The following DUSP12 variants were observed in gnomAD, a reference collection of about 807,000 sequenced individuals.
The protein encoded by DUSP12 is dual specificity protein phosphatase 12.
DUSP12 carries 25 observed loss-of-function variants against 38.9 expected under a neutral mutation model. That is an observed-to-expected ratio of 0.64 (90% CI 0.47 to 0.90). The LOEUF is 0.90. DUSP12 is among the 40% of genes least tolerant of loss of function. DUSP12 has a pLI of 0.00. For missense variants in DUSP12, 403 were observed against 427.0 expected (o/e 0.94, Z 0.50); for synonymous variants, 153 against 153.9 (o/e 0.99, Z 0.05).
At chr1:161,751,205 C>T (rs1684013673) in intron 1 of DUSP12, 1 of 156,376 alleles carries the variant, frequency 6.4e-6, no homozygotes, top group African/African-American at 2.4e-5. Context: ...CTCCCAGGCT[C>T]AAGTGAACCT....
chr1:161,750,128 T>C lies in DUSP12; in HGVS notation c.327T>C (p.Arg109=). Residue 109 remains arginine, a synonymous_variant, in exon 1 of 6, where the codon CGT becomes CGC. Transcript: ENST00000367943. ...AFIGQARAEG[R]AVLVHCHAGV... is the part of the protein sequence containing the mutation. Reference sequence around the variant, plus strand: ...TCGGTCAGGCCCGCGCTGAGGGCCGTGCGGTGTTGGTGCACTGGTGAGTGG... The same window carrying C: ...TCGGTCAGGCCCGCGCTGAGGGCCGCGCGGTGTTGGTGCACTGGTGAGTGG... The C allele has an allele frequency of 6.2e-7, 1 of 1,613,418 alleles. No individual in the cohort carries two copies. The highest frequency in any genetic ancestry group is 8.5e-7 in the Non-Finnish European group (1 of 1,179,828).
At chr1:161,752,963 A>G (rs1014922821) in intron 4 of DUSP12, 112 bp from the exon 5 acceptor site, 17 of 1,128,126 alleles carry the variant, frequency 1.5e-5, no homozygotes, top group Non-Finnish European at 2.1e-5. Context: ...GCACTCTAGC[A>G]TGGGCGACAG....
chr1:161,752,983 C>CT (rs1684049767), intron 4 of DUSP12, 92 bp from the exon 5 acceptor site: 1 of 1,135,648 alleles, frequency 8.8e-7, no homozygotes, highest in Non-Finnish European at 1.2e-6. Context: ...GAGTGAGACT[C>CT]TGTCTCAAAA....
At position 161,752,470 on chromosome 1, in the gene DUSP12, C is replaced by T. The variant is rs1684041058; in HGVS notation, c.674+6C>T. 2 of 1,574,546 alleles carry T rather than the reference C, an allele frequency of 1.3e-6. No individual in the cohort carries two copies. Among genetic ancestry groups the T allele is most frequent in the Non-Finnish European group, 1.7e-6 (2 of 1,146,950 alleles). On this transcript the variant is annotated splice_donor_region_variant and intron_variant, in intron 4 of 5. Transcript: ENST00000367943. ...TACAAGTGTAGAAAGTGCAGGTAAA[C>T]TATTTTATATCCTTTGGATATTTTA...
In DUSP12 at chr1:161,749,787, T is replaced by C. The variant is rs1571097272; in HGVS notation, c.-15T>C. ...GATGGTAGGGCAGGAAGCCGCCTTGTCTCTGGGCGCGGCCATGTTGGAGGC... is the reference window on the plus strand; with the variant it reads ...GATGGTAGGGCAGGAAGCCGCCTTGCCTCTGGGCGCGGCCATGTTGGAGGC... On this transcript the variant is annotated 5_prime_UTR_variant, in exon 1 of 6. Transcript: ENST00000367943. 1 of 1,556,648 alleles carries C rather than the reference T, an allele frequency of 6.4e-7. No individual in the cohort carries two copies. Among genetic ancestry groups the C allele is most frequent in the Non-Finnish European group, 8.7e-7 (1 of 1,152,762 alleles).
chr1:161,756,672 TA>T, intron 5 of DUSP12, 113 bp from the exon 6 acceptor site: 3 of 1,214,866 alleles, frequency 2.5e-6, no homozygotes. Flanking sequence ...GATTAGATTA[TA>T]AACTCAACGT....
At chr1:161,751,612 GT>G (rs762979946) in intron 1 of DUSP12, 55 bp from the exon 2 acceptor site, 9,144 of 1,133,510 alleles carry the variant, frequency 8.1e-3, no homozygotes, top group South Asian at 0.019. Context: ...GGCTTTGTGT[GT>G]TTTTTTTTTT....
chr1:161,752,303 C>T lies in DUSP12; in HGVS notation c.578-65C>T, dbSNP rs889362114. 1.7e-5 allele frequency: 19 copies of T among 1,127,850 alleles called. No individual in the cohort carries two copies. In the Admixed American group the frequency reaches 3.1e-4, roughly 19 times the overall value. 69.9% of individuals were successfully genotyped at this position (1,127,850 alleles called of 1,614,324 possible). A position where few individuals can be genotyped will look rare whatever the true frequency, so the allele number is the denominator to read the frequency against. ...ACTTGTTGCCTCAATTTGACATTAA[C>T]TGAATTTATCTGAAAATGCAGAGTT... On this transcript the variant is annotated intron_variant, in intron 3 of 5. Coordinates refer to ENST00000367943, the MANE Select transcript of DUSP12 (RefSeq NM_007240.3).
Position 161,756,832 on chromosome 1 carries a change from A to G in DUSP12, c.908A>G (p.Tyr303Cys). Residue 303 changes from tyrosine (Y) to cysteine (C), a missense_variant, in exon 6 of 6, where the codon TAT becomes TGT. Physicochemically the swap from Tyr to Cys is radical, Grantham distance 194. Transcript: ENST00000367943. ...CSAKLGSFNW[Y>C]GEQCSCGRWI... is the part of the protein sequence containing the mutation. ...GCCAAGTTGGGTTCCTTCAACTGGT[A>G]TGGTGAACAGTGCTCTTGTGGTAGG... 6.2e-7 allele frequency: 1 copy of G among 1,613,548 alleles called. No individual in the cohort carries two copies. The highest frequency in any genetic ancestry group is 1.1e-5 in the South Asian group (1 of 91,020).
intron 1 of DUSP12, chr1:161,751,420 C>G (rs1045699535): frequency 8.1e-6 from 3 of 369,838 alleles, no homozygotes; most frequent in African/African-American, 6.3e-5. Flanking sequence ...TTGTTCTGAG[C>G]CATTATAAAA....
At chr1:161,753,380 A>G in intron 5 of DUSP12, 119 bp downstream of exon 5, 1 of 880,308 alleles carries the variant, frequency 1.1e-6, no homozygotes, top group South Asian at 2.6e-5. Context: ...TTTATTTCTG[A>G]AGATTATATC....
At chr1:161,752,936 G>C in intron 4 of DUSP12, 139 bp from the exon 5 acceptor site, 1 of 760,038 alleles carries the variant, frequency 1.3e-6, no homozygotes, top group African/African-American at 1.8e-5. Context: ...GTTGCAGTGA[G>C]CCATGATCAC....
At chr1:161,752,291 A>G in intron 3 of DUSP12, 77 bp from the exon 4 acceptor site, 2 of 1,095,636 alleles carry the variant, frequency 1.8e-6, no homozygotes, top group South Asian at 2.8e-5. Context: ...TGTTGCCTCA[A>G]TTTGACATTA....
intron 4 of DUSP12, 58 bp downstream of exon 4, chr1:161,752,522 T>A: frequency 8.7e-7 from 1 of 1,145,194 alleles, no homozygotes; most frequent in Non-Finnish European, 1.3e-6. Flanking sequence ...GAAAAGTACT[T>A]AATGTTTTAT....
In DUSP12 at chr1:161,756,891, A is replaced by G; in HGVS notation, c.967A>G (p.Arg323Gly). ...ITPAFQIHKN[R>G]VDEMKILPVL... ...ACCTGCTTTTCAAATACATAAGAATAGAGTGGATGAAATGAAAATATTGCC... is the reference window on the plus strand; with the variant it reads ...ACCTGCTTTTCAAATACATAAGAATGGAGTGGATGAAATGAAAATATTGCC... Residue 323 changes from arginine (R) to glycine (G), a missense_variant, in exon 6 of 6, where the codon AGA becomes GGA. Transcript: ENST00000367943. 1 of 1,613,436 alleles carries G rather than the reference A, an allele frequency of 6.2e-7. No homozygotes were observed. The highest frequency in any genetic ancestry group is 8.5e-7 in the Non-Finnish European group (1 of 1,179,478).
chr1:161,751,402 G>A, intron 1 of DUSP12: 1 of 286,764 alleles, frequency 3.5e-6, no homozygotes, highest in Non-Finnish European at 6.4e-6. Flanking sequence ...CTAGCCAGGA[G>A]TTTGGATTTG....
At position 161,751,193 on chromosome 1, in the gene DUSP12, A is replaced by G. The variant is rs111874911; in HGVS notation, c.345-475A>G. The G allele has an allele frequency of 9.1e-3, 1,411 of 155,626 alleles. 7 individuals carry two copies. The highest frequency in any genetic ancestry group is 0.012 in the Non-Finnish European group (858 of 70,370). The allele number at this position is 155,626 out of a possible 1,614,324, so 9.6% of individuals were successfully genotyped here. ...GTAATTACGGCTCACTGCAGTCTCA[A>G]CCTCCCAGGCTCAAGTGAACCTCCT... is the stretch of plus-strand genomic sequence containing the variant. On this transcript the variant is annotated intron_variant, in intron 1 of 5. Coordinates refer to ENST00000367943, the MANE Select transcript of DUSP12 (RefSeq NM_007240.3).
In DUSP12 at chr1:161,753,726, AAAAAG is replaced by A. The variant is rs1335690426; in HGVS notation, c.861+475_861+479del. Among the ~76,000 whole-genome samples, 5 of 152,294 alleles carry A rather than the reference AAAAAG, an allele frequency of 3.3e-5. No homozygotes were observed. In the South Asian group the frequency reaches 1.0e-3, roughly 32 times the overall value. On this transcript the variant is annotated intron_variant, in intron 5 of 5. Coordinates refer to ENST00000367943, the MANE Select transcript of DUSP12 (RefSeq NM_007240.3). The stretch of plus-strand genomic sequence containing the variant: ...GAAAGTAAAAAATTTTTAATAAGAA[AAAAAG>A]AAAAGAAAAAATGTATTAAACAAAA...
chr1:161,749,920 C>T lies in DUSP12; in HGVS notation c.119C>T (p.Ala40Val). 1 of 1,613,766 alleles carries T rather than the reference C, an allele frequency of 6.2e-7. No homozygotes were observed. Among genetic ancestry groups the T allele is most frequent in the Non-Finnish European group, 8.5e-7 (1 of 1,179,806 alleles). Reference protein sequence around the residue: ...VQPGLYFGGAAAVAEPDHLRE... With the variant: ...VQPGLYFGGAVAVAEPDHLRE... ...CCAGGATTGTATTTCGGTGGGGCCG[C>T]GGCCGTCGCGGAGCCAGATCACCTG... The change falls in exon 1 of 6, where the codon GCG (alanine) becomes GTG (valine). Residue 40 changes from alanine (A) to valine (V), a missense_variant. By Grantham distance (64) the Ala-to-Val change is moderately conservative (BLOSUM62 0). Transcript: ENST00000367943.
Sources: gnomAD v4.1 joint callset for allele counts (sites outside exome capture counted in the v4.1 genomes callset) on GRCh38, gnomAD v4.1.1 for gene constraint, MANE v1.5 for transcripts, NCBI Gene and HGNC (gene_info 2026-07-23, HGNC 2026-07-21) for gene names.